LPGAT1: variants seen among roughly 807,000 people sequenced by gnomAD.
The protein encoded by LPGAT1 is lysophosphatidylglycerol acyltransferase 1.
A neutral mutation model predicts 47.5 loss-of-function variants in LPGAT1; 11 were observed. The ratio of observed to expected loss-of-function variants is 0.23; its 90% confidence interval spans 0.15 to 0.38. LPGAT1 has a LOEUF of 0.38. LPGAT1 is among the 10% of genes least tolerant of loss of function. The pLI is 1.00. For missense variants in LPGAT1, 293 were observed against 439.0 expected, an observed-to-expected ratio of 0.67 and a Z score of 2.97; for synonymous variants, 138 against 144.2, an observed-to-expected ratio of 0.96 and a Z score of 0.31.
chr1:211,828,904 G>GGA (rs1660627698), intron 2 of LPGAT1, among the ~76,000 whole-genome samples, 155 bp downstream of exon 2: 1 of 152,084 alleles, frequency 6.6e-6, no homozygotes, highest in Admixed American at 6.5e-5. Context: ...GTCTTCCTGA[G>GGA]ATTCTGAAGA....
Position 211,749,881 on chromosome 1 carries a change from A to C in LPGAT1, c.*18T>G. ...AGTCTGAACTCCTACGGTGACCTTG[A>C]CAAGTCCACGTCAATTCCTAAAACA... On this transcript the variant is annotated 3_prime_UTR_variant, in exon 8 of 8. Transcript: ENST00000366997. 2 of 1,613,142 alleles carry C rather than the reference A, an allele frequency of 1.2e-6. No individual in the cohort carries two copies. The highest frequency in any genetic ancestry group is 1.7e-6 in the Non-Finnish European group (2 of 1,179,542).
chr1:211,746,072 A>C lies in LPGAT1; in HGVS notation c.*3827T>G, dbSNP rs879224115. 3 of 152,788 alleles carry C rather than the reference A, an allele frequency of 2.0e-5. No homozygotes were observed. The highest frequency in any genetic ancestry group is 2.1e-4 in the South Asian group (1 of 4,828). 9.5% of individuals were successfully genotyped at this position (152,788 alleles called of 1,614,324 possible). Reference sequence around the variant, plus strand: ...ACATTTTCTTTTCAAATATAAAAATAATCCAAGAAGACTATCCATGATTAA... The same window carrying C: ...ACATTTTCTTTTCAAATATAAAAATCATCCAAGAAGACTATCCATGATTAA... On this transcript the variant is annotated 3_prime_UTR_variant, in exon 8 of 8. Coordinates refer to ENST00000366997, the MANE Select transcript of LPGAT1 (RefSeq NM_014873.3).
intron 6 of LPGAT1, among the ~76,000 whole-genome samples, chr1:211,775,510 C>T (rs73086195): frequency 0.018 from 2,702 of 152,202 alleles, 87 homozygotes; most frequent in African/African-American, 0.061. Flanking sequence ...AGTTATTGCC[C>T]TCTATGAAAT....
At position 211,793,148 on chromosome 1, in the gene LPGAT1, T is replaced by G. The variant is rs1318185259; in HGVS notation, c.281A>C (p.Glu94Ala). The change falls in exon 3 of 8, where the codon GAA becomes GCA. Residue 94 changes from glutamate (E) to alanine (A), a missense_variant. By Grantham distance (107) the Glu-to-Ala change is moderately radical (BLOSUM62 -1). Coordinates refer to ENST00000366997, the MANE Select transcript of LPGAT1 (RefSeq NM_014873.3). ...GEDIKAVSKD[E>A]AVMLVNHQAT... is the part of the protein sequence containing the mutation. ...CTGATGATTCACCAACATCACTGCT[T>G]CATCTTTTGAAACTGCTTTAATATC... 1 of 1,611,460 alleles carries G rather than the reference T, an allele frequency of 6.2e-7. No homozygotes were observed. Among genetic ancestry groups the G allele is most frequent in the Non-Finnish European group, 8.5e-7 (1 of 1,178,852 alleles).
intron 6 of LPGAT1, among the ~76,000 whole-genome samples, chr1:211,775,070 T>A (rs1234829718): frequency 6.6e-6 from 1 of 152,214 alleles, no homozygotes; most frequent in Non-Finnish European, 1.5e-5. Context: ...TGTCACATTA[T>A]GTTCCAGTGA....
chr1:211,767,567 T>C, intron 6 of LPGAT1, among the ~76,000 whole-genome samples: 1 of 152,214 alleles, frequency 6.6e-6, no homozygotes, highest in East Asian at 1.9e-4. Context: ...AGTTAATATG[T>C]AATTTTCCAT....
intron 6 of LPGAT1, among the ~76,000 whole-genome samples, chr1:211,754,320 T>C (rs1414627415): frequency 6.6e-6 from 1 of 152,196 alleles, no homozygotes; most frequent in African/African-American, 2.4e-5. Context: ...GCCAGACTTT[T>C]GGAAGTTCTA....
chr1:211,825,580 T>C (rs886392898), intron 2 of LPGAT1, among the ~76,000 whole-genome samples: 3 of 152,170 alleles, frequency 2.0e-5, no homozygotes, highest in Non-Finnish European at 4.4e-5. Flanking sequence ...AGTATCTCTT[T>C]TGGTTTGCCC....
At chr1:211,794,108 C>T (rs1449133661) in intron 2 of LPGAT1, among the ~76,000 whole-genome samples, 1 of 152,118 alleles carries the variant, frequency 6.6e-6, no homozygotes, top group African/African-American at 2.4e-5. Context: ...GGTTCCCAAC[C>T]CTTCAGATTC....
intron 2 of LPGAT1, among the ~76,000 whole-genome samples, chr1:211,826,468 A>G (rs1014512113): frequency 6.6e-6 from 1 of 152,208 alleles, no homozygotes; most frequent in Non-Finnish European, 1.5e-5. Flanking sequence ...CCTAGTACTG[A>G]GCACTTGAAA....
At chr1:211,827,957 T>C (rs1558287765) in intron 2 of LPGAT1, among the ~76,000 whole-genome samples, 1 of 152,316 alleles carries the variant, frequency 6.6e-6, no homozygotes, top group South Asian at 2.1e-4. Context: ...TACTCAGACA[T>C]AGCAAGGGTC....
intron 2 of LPGAT1, among the ~76,000 whole-genome samples, chr1:211,817,959 C>T (rs1404363328): frequency 1.3e-5 from 2 of 152,058 alleles, no homozygotes; most frequent in Non-Finnish European, 2.9e-5. Flanking sequence ...CTCAGCCTCC[C>T]GAGTAGCTAG....
At chr1:211,805,078 T>C (rs1323583177) in intron 2 of LPGAT1, among the ~76,000 whole-genome samples, 1 of 137,608 alleles carries the variant, frequency 7.3e-6, no homozygotes, top group Non-Finnish European at 1.6e-5. Flanking sequence ...AAAAACAAAA[T>C]ACCAAAGTCA....
chr1:211,761,380 A>C (rs2102501996), intron 6 of LPGAT1, among the ~76,000 whole-genome samples: 1 of 152,274 alleles, frequency 6.6e-6, no homozygotes, highest in East Asian at 1.9e-4. Flanking sequence ...GCTCATAACC[A>C]ATTAGGGCCA....
At chr1:211,827,928 C>T (rs1660589838) in intron 2 of LPGAT1, among the ~76,000 whole-genome samples, 1 of 152,212 alleles carries the variant, frequency 6.6e-6, no homozygotes, top group Non-Finnish European at 1.5e-5. Context: ...GAAAAGGCTT[C>T]ATCTGGGGCA....
At chr1:211,809,253 TCACA>T (rs1659878230) in intron 2 of LPGAT1, among the ~76,000 whole-genome samples, 1 of 152,038 alleles carries the variant, frequency 6.6e-6, no homozygotes, top group African/African-American at 2.4e-5. Flanking sequence ...AGCTAAGACT[TCACA>T]TCTTAAGTTT....
intron 3 of LPGAT1, among the ~76,000 whole-genome samples, chr1:211,790,252 C>T (rs1344998738): frequency 1.3e-5 from 2 of 152,048 alleles, no homozygotes; most frequent in African/African-American, 4.8e-5. Flanking sequence ...CAGTTGGGTA[C>T]ACAAAACGTC....
intron 6 of LPGAT1, among the ~76,000 whole-genome samples, chr1:211,760,639 A>C (rs1240932436): frequency 1.3e-5 from 2 of 152,222 alleles, no homozygotes; most frequent in East Asian, 3.8e-4. Flanking sequence ...GGTCCAGAAA[A>C]GTAAATGGGT....
chr1:211,752,035 C>T (rs1440635560), intron 6 of LPGAT1, among the ~76,000 whole-genome samples: 1 of 152,174 alleles, frequency 6.6e-6, no homozygotes, highest in African/African-American at 2.4e-5. Flanking sequence ...CTTCCCAATA[C>T]AATTGTAGAG....
Sources: allele counts gnomAD v4.1 joint callset (sites outside exome capture counted in the v4.1 genomes callset), GRCh38; gene constraint gnomAD v4.1.1; transcripts MANE v1.5; gene names NCBI Gene and HGNC (gene_info 2026-07-23, HGNC 2026-07-21).